The following PIP4K2C variants were observed in gnomAD, a reference collection of about 807,000 sequenced individuals.
The protein encoded by PIP4K2C is phosphatidylinositol-5-phosphate 4-kinase type 2 gamma.
Under a neutral mutation model 45.0 loss-of-function variants are expected in PIP4K2C, and 21 were observed. That is an observed-to-expected ratio of 0.47 (90% CI 0.33 to 0.67). The LOEUF (loss-of-function observed/expected upper bound fraction) is 0.67. Among genes scored for constraint, PIP4K2C ranks in the 30% least tolerant of loss-of-function variants. The pLI, the probability that PIP4K2C is intolerant of heterozygous loss-of-function variation, is 0.02. For synonymous variants in PIP4K2C, 201 were observed against 204.8 expected (o/e 0.98, Z 0.16); for missense variants, 456 against 542.8 (o/e 0.84, Z 1.59).
At chr12:57,593,728 A>G (rs1356976946) in intron 1 of PIP4K2C, among the ~76,000 whole-genome samples, 1 of 128,542 alleles carries the variant, frequency 7.8e-6, no homozygotes, top group East Asian at 2.2e-4. Flanking sequence ...TCACAGCTTT[A>G]AAAATAGTCC....
chr12:57,599,168 T>C lies in PIP4K2C; in HGVS notation c.617T>C (p.Met206Thr), dbSNP rs760998448. ...EDSYMLVMRN[M>T]FSHRLPVHRK... ...AGCTACATGCTTGTGATGCGCAATA[T>C]GTTTAGCCACCGTCTTCCTGTGCAC... The change falls in exon 5 of 10, where the codon ATG becomes ACG. Residue 206 changes from methionine (M) to threonine (T), a missense_variant. By Grantham distance (81) the Met-to-Thr change is moderately conservative. Transcript: ENST00000354947. 3.7e-6 allele frequency: 6 copies of C among 1,614,202 alleles called. No individual in the cohort carries two copies. Among genetic ancestry groups the C allele is most frequent in the Non-Finnish European group, 3.4e-6 (4 of 1,180,036 alleles).
chr12:57,593,940 TG>T (rs1047251297), intron 1 of PIP4K2C, 84 bp from the exon 2 acceptor site: 1 of 938,670 alleles, frequency 1.1e-6, no homozygotes, highest in Non-Finnish European at 1.7e-6. Context: ...GAGTGGCCCT[TG>T]CATGACTGCT....
At chr12:57,599,773 C>T (rs1246103067) in intron 6 of PIP4K2C, among the ~76,000 whole-genome samples, 1 of 152,152 alleles carries the variant, frequency 6.6e-6, no homozygotes, top group Middle Eastern at 3.2e-3. Context: ...TAAGAAGACA[C>T]AGGCCGGGCA....
rs375854429 is a variant in PIP4K2C, at chr12:57,601,640, G to A, written c.*34G>A. On this transcript the variant is annotated 3_prime_UTR_variant, in exon 10 of 10. Transcript: ENST00000354947. ...CTGGTTCTCTCTGATGTTCAAGGTG[G>A]TGGGGTTCTGAGACACTTGGGGGAA... The A allele has an allele frequency of 1.9e-5, 30 of 1,546,918 alleles. No individual in the cohort carries two copies. In the African/African-American group the frequency reaches 4.1e-4, roughly 21 times the overall value.
At chr12:57,597,644 AAAG>A (rs1399215093) in intron 4 of PIP4K2C, among the ~76,000 whole-genome samples, 3 of 152,208 alleles carry the variant, frequency 2.0e-5, no homozygotes, top group Admixed American at 1.3e-4. Context: ...AGTGAAATGA[AAAG>A]AAGGTTGAGG....
Position 57,595,873 on chromosome 12 carries a change from A to T in PIP4K2C, c.370-15A>T, listed in dbSNP as rs750452317. On this transcript the variant is annotated splice_polypyrimidine_tract_variant and intron_variant, in intron 3 of 9. Coordinates refer to ENST00000354947, the MANE Select transcript of PIP4K2C (RefSeq NM_024779.5). Reference sequence around the variant, plus strand: ...AGAGGGAGGAAAAGAGCTCTGGCCTATTCTGTGTCCCCAGGTGTCCCTTAC... The same window carrying T: ...AGAGGGAGGAAAAGAGCTCTGGCCTTTTCTGTGTCCCCAGGTGTCCCTTAC... The T allele has an allele frequency of 1.2e-6, 2 of 1,613,750 alleles. No homozygotes were observed. The highest frequency in any genetic ancestry group is 1.7e-6 in the Non-Finnish European group (2 of 1,179,846).
chr12:57,598,909 G>C (rs939442566), intron 4 of PIP4K2C, among the ~76,000 whole-genome samples, 156 bp from the exon 5 acceptor site: 8 of 152,202 alleles, frequency 5.3e-5, no homozygotes, highest in Non-Finnish European at 1.0e-4. Flanking sequence ...GGATAACCTG[G>C]AGTGTTTTGG....
chr12:57,597,018 T>C (rs748705790), intron 4 of PIP4K2C, among the ~76,000 whole-genome samples: 8 of 152,292 alleles, frequency 5.3e-5, no homozygotes, highest in Non-Finnish European at 1.2e-4. Context: ...GAGAACTTGG[T>C]GTTAGAAAAC....
intron 2 of PIP4K2C, 24 bp downstream of exon 2, chr12:57,594,146 T>C (rs1194231670): frequency 2.2e-5 from 34 of 1,564,372 alleles, no homozygotes; most frequent in Non-Finnish European, 3.0e-5. Flanking sequence ...CTTGCCATTC[T>C]CATGTCAACC....
At chr12:57,594,959 ACT>A (rs895616524) in intron 2 of PIP4K2C, among the ~76,000 whole-genome samples, 165 bp from the exon 3 acceptor site, 1 of 151,986 alleles carries the variant, frequency 6.6e-6, no homozygotes, top group African/African-American at 2.4e-5. Flanking sequence ...ACAGAGTGAG[ACT>A]CTGTCTCAAA....
chr12:57,599,223 G>T lies in PIP4K2C; in HGVS notation c.660+12G>T, dbSNP rs1330579680. On this transcript the variant is annotated intron_variant, in intron 5 of 9. Coordinates refer to ENST00000354947, the MANE Select transcript of PIP4K2C (RefSeq NM_024779.5). ...AGTATGACCTCAAGGTAAGAAGAGG[G>T]TAGCTCGGACTTAGAGGGAGGCTCC... 1.2e-6 allele frequency: 2 copies of T among 1,613,714 alleles called. No individual in the cohort carries two copies. The highest frequency in any genetic ancestry group is 1.3e-5 in the African/African-American group (1 of 74,920).
Position 57,600,882 on chromosome 12 carries a change from A to T in PIP4K2C, c.885A>T (p.Glu295Asp). 1 of 1,614,148 alleles carries T rather than the reference A, an allele frequency of 6.2e-7. No individual in the cohort carries two copies. Among genetic ancestry groups the T allele is most frequent in the Non-Finnish European group, 8.5e-7 (1 of 1,180,028 alleles). The change falls in exon 8 of 10, where the codon GAA becomes GAT. Residue 295 changes from glutamate to aspartate, a missense_variant. By Grantham distance (45) the Glu-to-Asp change is conservative. Transcript: ENST00000354947. ...TCCACGACATCATTCGGGGCTCTGA[A>T]CCAGAGGAGGAAGCGCCCGTGCGGG... The part of the protein sequence containing the change: ...LGIHDIIRGS[E>D]PEEEAPVRED...
chr12:57,601,404 G>A lies in PIP4K2C; in HGVS notation c.1185+56G>A, dbSNP rs991140635. ...GTCTTGACTATTCTTTGGGAATAGA[G>A]TCTCTTGTGCCAGAGCAATGGGGTG... On this transcript the variant is annotated intron_variant, in intron 9 of 9. Coordinates refer to ENST00000354947, the MANE Select transcript of PIP4K2C (RefSeq NM_024779.5). 13 of 1,551,176 alleles carry A rather than the reference G, an allele frequency of 8.4e-6. No homozygotes were observed. In the African/African-American group the frequency reaches 1.2e-4, roughly 15 times the overall value.
intron 4 of PIP4K2C, among the ~76,000 whole-genome samples, chr12:57,597,200 T>C (rs1012206310): frequency 6.6e-6 from 1 of 152,208 alleles, no homozygotes; most frequent in Admixed American, 6.5e-5. Context: ...GACAGCGTTT[T>C]AGAGAATGGA....
At chr12:57,596,728 C>G (rs1278615592) in intron 4 of PIP4K2C, among the ~76,000 whole-genome samples, 1 of 152,142 alleles carries the variant, frequency 6.6e-6, no homozygotes, top group Non-Finnish European at 1.5e-5. Flanking sequence ...ATCTGTGGCC[C>G]TTACAGATCC....
intron 9 of PIP4K2C, 66 bp downstream of exon 9, chr12:57,601,414 C>T: frequency 3.2e-6 from 5 of 1,544,296 alleles, no homozygotes; most frequent in Non-Finnish European, 4.5e-6. Context: ...GTCTCTTGTG[C>T]CAGAGCAATG....
rs943744568 is a variant in PIP4K2C, at chr12:57,603,271, T to C, written c.*1665T>C. On this transcript the variant is annotated 3_prime_UTR_variant, in exon 10 of 10. Transcript: ENST00000354947. ...CAACCATTGCTCTTTAGAAATGGGT[T>C]TTCTGATCATATGGCTGATGTGTTA... is the stretch of plus-strand genomic sequence containing the variant. 6.5e-6 allele frequency: 1 copy of C among 152,674 alleles called. No individual in the cohort carries two copies. The allele number at this position is 152,674 out of a possible 1,614,324, so 9.5% of individuals were successfully genotyped here.
chr12:57,596,747 G>C (rs1883212196), intron 4 of PIP4K2C, among the ~76,000 whole-genome samples: 1 of 152,156 alleles, frequency 6.6e-6, no homozygotes. Context: ...CCCTTGGTCT[G>C]ATGGCAGTGA....
chr12:57,593,675 G>GTTTTTT lies in PIP4K2C; in HGVS notation c.175-323_175-318dup, dbSNP rs56900742. On this transcript the variant is annotated intron_variant, in intron 1 of 9. Coordinates refer to ENST00000354947, the MANE Select transcript of PIP4K2C (RefSeq NM_024779.5). ...CATGTAGCTGCCTTGAGCTTGCAGA[G>GTTTTTT]TTTTTTTTTTTTTTTTTTTTTTTTT... 9.8e-4 allele frequency among the ~76,000 whole-genome samples: 63 copies of GTTTTTT among 64,044 alleles called. 10 individuals are homozygous for GTTTTTT. Among genetic ancestry groups the GTTTTTT allele is most frequent in the African/African-American group, 4.2e-3 (58 of 13,690 alleles). 42.0% of individuals were successfully genotyped at this position (64,044 alleles called of 152,430 possible). A position where few individuals can be genotyped will look rare whatever the true frequency, so the allele number is the denominator to read the frequency against.
Sources: gnomAD v4.1 joint callset for allele counts (sites outside exome capture counted in the v4.1 genomes callset) on GRCh38, gnomAD v4.1.1 for gene constraint, MANE v1.5 for transcripts, NCBI Gene and HGNC (gene_info 2026-07-23, HGNC 2026-07-21) for gene names.